INSL6: variants seen among roughly 807,000 people sequenced by gnomAD.
The protein encoded by INSL6 is insulin like 6.
In INSL6, 16 loss-of-function variants were observed where a neutral mutation model predicts 9.4. The ratio of observed to expected loss-of-function variants is 1.70; its 90% confidence interval spans 1.15 to 2.59. The LOEUF is 2.59. INSL6 is among the 30% of genes most tolerant of loss of function. The pLI, the probability that INSL6 is intolerant of heterozygous loss-of-function variation, is 0.00. For synonymous variants in INSL6, 154 were observed against 96.9 expected (o/e 1.59, Z -3.46); for missense variants, 391 against 257.3 (o/e 1.52, Z -3.56).
chr9:5,163,001 A>G (rs1824959768), downstream of INSL6, among the ~76,000 whole-genome samples: 1 of 152,202 alleles, frequency 6.6e-6, no homozygotes, highest in South Asian at 2.1e-4. Context: ...TTAGTATTGT[A>G]ACATCTATAT....
At chr9:5,092,181 G>GA in the INSL6 span, among the ~76,000 whole-genome samples, 4 of 152,100 alleles carry the variant, frequency 2.6e-5, no homozygotes, top group African/African-American at 4.8e-5. Flanking sequence ...TTCTACCCCA[G>GA]AAAATCTCAC....
the INSL6 span, chr9:5,084,987 A>G: frequency 2.5e-6 from 2 of 812,744 alleles, no homozygotes; most frequent in African/African-American, 3.4e-5. Context: ...AAAGAACAGA[A>G]AGAGTTGTCA....
At chr9:5,035,285 G>C in the INSL6 span, among the ~76,000 whole-genome samples, 1 of 152,196 alleles carries the variant, frequency 6.6e-6, no homozygotes, top group Non-Finnish European at 1.5e-5. Flanking sequence ...TGGATTCACA[G>C]CTGAATTCTA....
intron 2 of INSL6, among the ~76,000 whole-genome samples, chr9:5,141,893 G>A (rs756578366): frequency 2.6e-5 from 4 of 152,166 alleles, no homozygotes; most frequent in Non-Finnish European, 4.4e-5. Context: ...GTTAATTTTT[G>A]TATATGGTGT....
chr9:5,113,769 C>A, the INSL6 span: 1 of 165,916 alleles, frequency 6.0e-6, no homozygotes, highest in Non-Finnish European at 1.3e-5. Context: ...CAGCTGACTG[C>A]CTCGGGTGCG....
intron 2 of INSL6, among the ~76,000 whole-genome samples, chr9:5,158,509 T>A (rs552850936): frequency 6.6e-6 from 1 of 152,092 alleles, no homozygotes; most frequent in African/African-American, 2.4e-5. Flanking sequence ...ATTAATACAA[T>A]GGAACTTCAA....
chr9:5,005,925 C>T, the INSL6 span, among the ~76,000 whole-genome samples: 55 of 152,218 alleles, frequency 3.6e-4, no homozygotes, highest in African/African-American at 9.1e-4. Flanking sequence ...AGTCAGGTAG[C>T]GTGATGCCTC....
chr9:5,087,860 G>C, the INSL6 span, among the ~76,000 whole-genome samples: 1 of 152,168 alleles, frequency 6.6e-6, no homozygotes, highest in Non-Finnish European at 1.5e-5. Flanking sequence ...GCAATGACAT[G>C]ACTGTATTTA....
chr9:5,145,101 T>C (rs1267011395), intron 2 of INSL6, among the ~76,000 whole-genome samples: 1 of 152,204 alleles, frequency 6.6e-6, no homozygotes, highest in Non-Finnish European at 1.5e-5. Context: ...TGGTTGGTAC[T>C]GGTCTTTCCT....
At chr9:5,042,913 G>C in the INSL6 span, among the ~76,000 whole-genome samples, 1 of 152,200 alleles carries the variant, frequency 6.6e-6, no homozygotes, top group Non-Finnish European at 1.5e-5. Flanking sequence ...GCGAGGGGCA[G>C]GTGGGCCCTG....
the INSL6 span, among the ~76,000 whole-genome samples, chr9:5,042,987 G>T: frequency 0.11 from 17,201 of 152,132 alleles, 2,024 homozygotes; most frequent in African/African-American, 0.3. Context: ...AGAAGCTGAG[G>T]GGGGTGGGCC....
At chr9:4,998,414 G>T in the INSL6 span, among the ~76,000 whole-genome samples, 1 of 151,966 alleles carries the variant, frequency 6.6e-6, no homozygotes, top group South Asian at 2.1e-4. Flanking sequence ...GCACCACCAC[G>T]CCCAGCTAAT....
chr9:5,182,112 T>C (rs1825469052), intron 1 of INSL6, among the ~76,000 whole-genome samples: 1 of 152,220 alleles, frequency 6.6e-6, no homozygotes, highest in Non-Finnish European at 1.5e-5. Flanking sequence ...ACACATACAA[T>C]GATGTTCATG....
chr9:5,136,423 T>C (rs1284503601), intron 2 of INSL6, among the ~76,000 whole-genome samples: 1 of 152,170 alleles, frequency 6.6e-6, no homozygotes, highest in African/African-American at 2.4e-5. Flanking sequence ...TTATCCACCA[T>C]GATCAAGTCG....
At chr9:5,128,091 T>C (rs1182386202) in intron 3 of INSL6, 2 of 226,800 alleles carry the variant, frequency 8.8e-6, no homozygotes, top group Non-Finnish European at 1.7e-5. Context: ...TGTGTGTGTG[T>C]GTGTGTGTGT....
At chr9:5,056,245 A>G in the INSL6 span, among the ~76,000 whole-genome samples, 1 of 152,260 alleles carries the variant, frequency 6.6e-6, no homozygotes, top group East Asian at 1.9e-4. Context: ...GCTGTAGGAC[A>G]TGGTTGATTC....
intron 2 of INSL6, among the ~76,000 whole-genome samples, chr9:5,134,934 G>C (rs1180909974): frequency 6.6e-6 from 1 of 152,120 alleles, no homozygotes; most frequent in Non-Finnish European, 1.5e-5. Flanking sequence ...CTGTGTTCAG[G>C]AGACCCAGCT....
the INSL6 span, chr9:5,085,012 G>C: frequency 1.2e-6 from 1 of 845,832 alleles, no homozygotes; most frequent in East Asian, 3.8e-5. Flanking sequence ...TGTCTTGTGA[G>C]TACAATTTCT....
the INSL6 span, among the ~76,000 whole-genome samples, chr9:4,994,545 A>T: frequency 1.3e-5 from 2 of 152,326 alleles, no homozygotes; most frequent in African/African-American, 4.8e-5. Flanking sequence ...TCTATTAAGG[A>T]TCATAAATAA....
Sources: gnomAD v4.1 joint callset for allele counts (sites outside exome capture counted in the v4.1 genomes callset) on GRCh38, gnomAD v4.1.1 for gene constraint, MANE v1.5 for transcripts, NCBI Gene and HGNC (gene_info 2026-07-23, HGNC 2026-07-21) for gene names.